The following RANBP2 variants were observed in gnomAD, a reference collection of about 807,000 sequenced individuals.
The protein encoded by RANBP2 is RAN binding protein 2.
RANBP2 carries 57 observed loss-of-function variants against 303.6 expected under a neutral mutation model. The observed-to-expected ratio is 0.19, with a 90% CI of 0.15 to 0.23. The LOEUF is 0.23. RANBP2 is among the 10% of genes least tolerant of loss of function. The pLI is 1.00. For synonymous variants in RANBP2, 1,167 were observed against 1,301.5 expected (o/e 0.90, Z 2.23); for missense variants, 3,138 against 3,780.8 (o/e 0.83, Z 4.46).
rs751004854 is a variant in RANBP2 at position 108,763,418 on chromosome 2, A to G, written c.2879A>G (p.Asp960Gly). The G allele has an allele frequency of 6.2e-7, 1 of 1,613,962 alleles. No homozygotes were observed. The highest frequency in any genetic ancestry group is 8.5e-7 in the Non-Finnish European group (1 of 1,179,972). ...GGAATTCTATCGCCCAGGGGTGATG[A>G]TTACTTTAATTACAATGTTCAACAG... ...ATGILSPRGDDYFNYNVQQTS... is the reference protein window; with the variant it reads ...ATGILSPRGDGYFNYNVQQTS... Residue 960 changes from aspartate (D) to glycine (G), a missense_variant, in exon 20 of 29, where the codon GAT becomes GGT. Physicochemically the swap from Asp to Gly is moderately conservative, Grantham distance 94 (BLOSUM62 -1). Coordinates refer to ENST00000283195, the MANE Select transcript of RANBP2 (RefSeq NM_006267.5).
chr2:108,925,890 A>G, the RANBP2 span, among the ~76,000 whole-genome samples: 3 of 152,058 alleles, frequency 2.0e-5, no homozygotes, highest in Non-Finnish European at 4.4e-5. Flanking sequence ...TATTGGGATT[A>G]CAGGCGTGAA....
the RANBP2 span, among the ~76,000 whole-genome samples, chr2:109,530,851 AGGGCAGTTCCT>A: frequency 2.6e-5 from 4 of 152,186 alleles, no homozygotes; most frequent in African/African-American, 7.2e-5. Context: ...GGGCCGGGCC[AGGGCAGTTCCT>A]GGGCAGTTCC....
At chr2:109,189,890 G>T in the RANBP2 span, among the ~76,000 whole-genome samples, 1 of 152,132 alleles carries the variant, frequency 6.6e-6, no homozygotes, top group East Asian at 1.9e-4. Flanking sequence ...AGGTTGGAGC[G>T]ATCATACTTT....
chr2:109,370,602 C>T, the RANBP2 span, among the ~76,000 whole-genome samples: 6 of 152,088 alleles, frequency 3.9e-5, no homozygotes, highest in African/African-American at 9.7e-5. Flanking sequence ...TCTCTGGTCA[C>T]GTCCCACTGT....
At chr2:109,059,657 C>T in the RANBP2 span, among the ~76,000 whole-genome samples, 1 of 152,204 alleles carries the variant, frequency 6.6e-6, no homozygotes, top group Non-Finnish European at 1.5e-5. Flanking sequence ...GCCACCACTG[C>T]CTCTCCTCTG....
At chr2:109,337,499 G>A in the RANBP2 span, among the ~76,000 whole-genome samples, 2 of 152,232 alleles carry the variant, frequency 1.3e-5, no homozygotes, top group Non-Finnish European at 2.9e-5. Flanking sequence ...AGGCAAGGGC[G>A]GGAGTCCTGG....
chr2:108,921,332 G>C, the RANBP2 span, among the ~76,000 whole-genome samples: 1 of 152,182 alleles, frequency 6.6e-6, no homozygotes. Flanking sequence ...TCCTAGGTGG[G>C]TGTCATCCTC....
the RANBP2 span, among the ~76,000 whole-genome samples, chr2:108,964,731 C>T: frequency 6.6e-6 from 1 of 152,194 alleles, no homozygotes; most frequent in Non-Finnish European, 1.5e-5. Flanking sequence ...TCCGTTACGC[C>T]ACACTCAGTG....
the RANBP2 span, among the ~76,000 whole-genome samples, chr2:109,436,481 G>A: frequency 1.3e-5 from 2 of 152,216 alleles, no homozygotes; most frequent in Non-Finnish European, 2.9e-5. Context: ...GTGCCCAGAG[G>A]GGGCCCGCGT....
At chr2:108,936,455 G>A in the RANBP2 span, among the ~76,000 whole-genome samples, 1 of 135,798 alleles carries the variant, frequency 7.4e-6, no homozygotes, top group Non-Finnish European at 1.6e-5. Context: ...GCCTGTGTCT[G>A]GGAGGCAGCC....
the RANBP2 span, chr2:109,502,016 G>A: frequency 8.3e-6 from 2 of 242,168 alleles, no homozygotes; most frequent in Non-Finnish European, 8.2e-6. Flanking sequence ...ACCTAAGCAG[G>A]GTTGGAGGTT....
chr2:109,129,078 G>A, the RANBP2 span: 1 of 378,504 alleles, frequency 2.6e-6, no homozygotes, highest in Non-Finnish European at 5.2e-6. Context: ...GGTGCCGCGG[G>A]GGCGGTGCGG....
At chr2:109,410,404 C>G in the RANBP2 span, among the ~76,000 whole-genome samples, 1 of 152,324 alleles carries the variant, frequency 6.6e-6, no homozygotes, top group South Asian at 2.1e-4. Context: ...GCCCTGACCT[C>G]GGTGCGGAGG....
chr2:109,489,973 A>G, the RANBP2 span, among the ~76,000 whole-genome samples: 2 of 152,152 alleles, frequency 1.3e-5, no homozygotes, highest in Non-Finnish European at 2.9e-5. Context: ...CCTGACCTCA[A>G]GTGATCTGCC....
the RANBP2 span, among the ~76,000 whole-genome samples, chr2:109,263,174 C>T: frequency 6.6e-6 from 1 of 152,186 alleles, no homozygotes; most frequent in Non-Finnish European, 1.5e-5. Flanking sequence ...GAGTTAAGAA[C>T]GGCAGAGACA....
intron 1 of RANBP2, among the ~76,000 whole-genome samples, chr2:108,722,609 T>G (rs1694356592): frequency 7.0e-6 from 1 of 142,836 alleles, no homozygotes; most frequent in Non-Finnish European, 1.5e-5. Context: ...TCTCTTGTTT[T>G]GCCATTTTTC....
the RANBP2 span, chr2:109,615,740 G>A: frequency 3.7e-6 from 6 of 1,613,880 alleles, no homozygotes; most frequent in Non-Finnish European, 5.1e-6. Context: ...GGCTTTCAAA[G>A]GTGCTTCCCT....
the RANBP2 span, among the ~76,000 whole-genome samples, chr2:108,888,220 G>A: frequency 6.6e-6 from 1 of 152,060 alleles, no homozygotes; most frequent in East Asian, 1.9e-4. Context: ...AATCCCATTT[G>A]ATAATGGTGT....
At chr2:108,924,475 C>T in the RANBP2 span, among the ~76,000 whole-genome samples, 59 of 152,312 alleles carry the variant, frequency 3.9e-4, no homozygotes, top group African/African-American at 1.1e-3. Context: ...ATAACGTGAG[C>T]GGTGCCAACA....
Sources: allele counts gnomAD v4.1 joint callset (sites outside exome capture counted in the v4.1 genomes callset), GRCh38; gene constraint gnomAD v4.1.1; transcripts MANE v1.5; gene names NCBI Gene and HGNC (gene_info 2026-07-23, HGNC 2026-07-21).